RPS6KA3: variants seen among roughly 807,000 people sequenced by gnomAD.
RPS6KA3 encodes the protein ribosomal protein S6 kinase alpha-3.
A neutral mutation model predicts 67.2 loss-of-function variants in RPS6KA3; 4 were observed. That is an observed-to-expected ratio of 0.06 (90% CI 0.03 to 0.14). The LOEUF (loss-of-function observed/expected upper bound fraction) is 0.14, where lower values mean the gene tolerates loss of function less well. Ranked by LOEUF, RPS6KA3 falls within the 10% of genes least tolerant of loss-of-function variation. The pLI, the probability that RPS6KA3 is intolerant of heterozygous loss-of-function variation, is 1.00. For synonymous variants in RPS6KA3, 182 were observed against 183.7 expected (o/e 0.99, Z 0.07); for missense variants, 204 against 559.0 (o/e 0.36, Z 6.40).
At chrX:20,221,536 G>T (rs991491448) in intron 2 of RPS6KA3, among the ~76,000 whole-genome samples, 2 of 111,513 alleles carry the variant, frequency 1.8e-5, no homozygotes, top group Non-Finnish European at 3.8e-5. Context: ...CACTTTTTCT[G>T]TAAAGGGACA....
intron 1 of RPS6KA3, among the ~76,000 whole-genome samples, chrX:20,256,295 T>C (rs1347316312): frequency 9.2e-6 from 1 of 109,075 alleles, no homozygotes; most frequent in Non-Finnish European, 1.9e-5. Flanking sequence ...CCTTTTCTTA[T>C]ACGATAGCAA....
chrX:20,262,541 G>A (rs2070261959), intron 1 of RPS6KA3, among the ~76,000 whole-genome samples: 1 of 111,904 alleles, frequency 8.9e-6, no homozygotes, highest in South Asian at 3.7e-4. Context: ...TTCACATTTT[G>A]AATCTACCCC....
chrX:20,255,346 C>T (rs746653532), intron 1 of RPS6KA3, among the ~76,000 whole-genome samples: 6 of 100,103 alleles, frequency 6.0e-5, no homozygotes, highest in South Asian at 3.9e-4. Context: ...GGGGAGTGAC[C>T]GCTAACATGT....
Position 20,153,619 on chromosome X carries a change from T to A in RPS6KA3, c.*1779A>T, listed in dbSNP as rs2148619361. ...CAAAAATCTGTATGAGTACATTCTT[T>A]TTTTTTTTTTTCCTTCTTGAGACAG... is the stretch of plus-strand genomic sequence containing the variant. On this transcript the variant is annotated 3_prime_UTR_variant, in exon 22 of 22. Coordinates refer to ENST00000379565, the MANE Select transcript of RPS6KA3 (RefSeq NM_004586.3). 9.1e-6 allele frequency: 1 copy of A among 109,804 alleles called. No homozygotes were observed. Among genetic ancestry groups the A allele is most frequent in the Admixed American group, 9.7e-5 (1 of 10,307 alleles). 9.0% of individuals were successfully genotyped at this position (109,804 alleles called of 1,213,427 possible).
At chrX:20,184,397 CTTTTTTTTTTTTT>C (rs1176222205) in intron 10 of RPS6KA3, among the ~76,000 whole-genome samples, 2 of 86,466 alleles carry the variant, frequency 2.3e-5, no homozygotes, top group Non-Finnish European at 4.7e-5. Context: ...CATTACTTTT[CTTTTTTTTTTTTT>C]TTTTTTGAGA....
At chrX:20,263,293 C>A (rs905176611) in intron 1 of RPS6KA3, among the ~76,000 whole-genome samples, 3 of 111,896 alleles carry the variant, frequency 2.7e-5, no homozygotes, top group African/African-American at 9.7e-5. Flanking sequence ...ACAGCACTGG[C>A]AAAGAATTTG....
chrX:20,189,942 A>G lies in RPS6KA3; in HGVS notation c.594-1408T>C, dbSNP rs186637651. Among the ~76,000 whole-genome samples, 783 of 110,814 alleles carry G rather than the reference A, an allele frequency of 7.1e-3. 7 individuals carry two copies. The highest frequency in any genetic ancestry group is 0.025 in the African/African-American group (755 of 30,457). On this transcript the variant is annotated intron_variant, in intron 7 of 21. Transcript: ENST00000379565. ...TAAGCACCTGTTATGAAAAATATTAATATTGATTCTGCTTGATTATGAAGA... is the reference window on the plus strand; with the variant it reads ...TAAGCACCTGTTATGAAAAATATTAGTATTGATTCTGCTTGATTATGAAGA...
At chrX:20,178,604 T>C (rs2067761896) in intron 10 of RPS6KA3, among the ~76,000 whole-genome samples, 2 of 100,410 alleles carry the variant, frequency 2.0e-5, no homozygotes, top group African/African-American at 3.7e-5. Flanking sequence ...TCCCAAGTAG[T>C]TGGGATTACA....
chrX:20,240,285 CTTTTTTTT>C (rs778713587), intron 1 of RPS6KA3, among the ~76,000 whole-genome samples: 13 of 54,385 alleles, frequency 2.4e-4, no homozygotes, highest in African/African-American at 2.8e-4. Context: ...AAGGACCATA[CTTTTTTTT>C]TTTTTTTTTT....
chrX:20,187,440 G>T (rs1458617204), intron 9 of RPS6KA3, among the ~76,000 whole-genome samples: 2 of 110,832 alleles, frequency 1.8e-5, no homozygotes, highest in East Asian at 5.7e-4. Flanking sequence ...CTGACGTCAG[G>T]TGATCTACCC....
At chrX:20,182,483 G>GA (rs1258485462) in intron 10 of RPS6KA3, among the ~76,000 whole-genome samples, 1 of 111,176 alleles carries the variant, frequency 9.0e-6, no homozygotes, top group Non-Finnish European at 1.9e-5. Flanking sequence ...TACAGGGTTG[G>GA]AAAAAAAATA....
rs748786522 is a variant in RPS6KA3 at position 20,194,147 on chromosome X, G to A, written c.486+42C>T. ...ACATAACAAAGCTTTAGTTCAAACAGGATGCATGTAAATAGACTAAAAATA... is the reference window on the plus strand; with the variant it reads ...ACATAACAAAGCTTTAGTTCAAACAAGATGCATGTAAATAGACTAAAAATA... On this transcript the variant is annotated intron_variant, in intron 6 of 21. Coordinates refer to ENST00000379565, the MANE Select transcript of RPS6KA3 (RefSeq NM_004586.3). The A allele has an allele frequency of 1.0e-5, 8 of 803,535 alleles. No homozygotes were observed. In the Admixed American group the frequency reaches 1.4e-4, roughly 14 times the overall value. 66.2% of individuals were successfully genotyped at this position (803,535 alleles called of 1,213,427 possible).
intron 7 of RPS6KA3, among the ~76,000 whole-genome samples, chrX:20,191,691 T>C (rs1442429180): frequency 8.9e-6 from 1 of 112,390 alleles, no homozygotes; most frequent in Non-Finnish European, 1.9e-5. Flanking sequence ...TGTCTGTTCA[T>C]ATCCGAGAGA....
intron 20 of RPS6KA3, among the ~76,000 whole-genome samples, chrX:20,160,133 T>A (rs999734678): frequency 7.1e-5 from 8 of 112,299 alleles, no homozygotes; most frequent in African/African-American, 2.6e-4. Flanking sequence ...TTCCTTAAAA[T>A]CCTTCTGACT....
Position 20,240,432 on chromosome X carries a change from C to T in RPS6KA3, c.70-5618G>A, listed in dbSNP as rs185979817. On this transcript the variant is annotated intron_variant, in intron 1 of 21. Coordinates refer to ENST00000379565, the MANE Select transcript of RPS6KA3 (RefSeq NM_004586.3). Reference sequence around the variant, plus strand: ...CATCATGAAGGTGCTGAGCATGAGGCATTAGAAACCTCTCTCAAACTTTGG... The same window carrying T: ...CATCATGAAGGTGCTGAGCATGAGGTATTAGAAACCTCTCTCAAACTTTGG... The T allele has an allele frequency of 1.5e-3, 178 of 120,083 alleles. 2 individuals are homozygous for T. The highest frequency in any genetic ancestry group is 5.6e-3 in the African/African-American group (168 of 29,834). 9.9% of individuals were successfully genotyped at this position (120,083 alleles called of 1,213,427 possible).
chrX:20,150,609 T>C lies in RPS6KA3; in HGVS notation c.*4789A>G, dbSNP rs1302579699. ...CCTTGCTTTGTACGTGAAAGTTCTA[T>C]TTTAAATACTTGTTTGAAAAACTCA... On this transcript the variant is annotated 3_prime_UTR_variant, in exon 22 of 22. Transcript: ENST00000379565. 8.9e-6 allele frequency: 1 copy of C among 112,571 alleles called. No individual in the cohort carries two copies. The highest frequency in any genetic ancestry group is 3.2e-5 in the African/African-American group (1 of 30,949). The allele number at this position is 112,571 out of a possible 1,213,427, so 9.3% of individuals were successfully genotyped here.
chrX:20,255,740 A>C (rs1472357565), intron 1 of RPS6KA3, among the ~76,000 whole-genome samples: 1 of 86,950 alleles, frequency 1.2e-5, no homozygotes, highest in African/African-American at 4.5e-5. Flanking sequence ...GTGAGCTGAG[A>C]CTGCACCACT....
At chrX:20,211,111 G>A (rs900624655) in intron 2 of RPS6KA3, among the ~76,000 whole-genome samples, 4 of 111,005 alleles carry the variant, frequency 3.6e-5, no homozygotes, top group African/African-American at 9.8e-5. Flanking sequence ...CCCTGTGTTA[G>A]GTGTTTTTTC....
At chrX:20,236,932 G>C (rs1644594773) in intron 1 of RPS6KA3, among the ~76,000 whole-genome samples, 1 of 111,198 alleles carries the variant, frequency 9.0e-6, no homozygotes, top group South Asian at 3.7e-4. Flanking sequence ...CGGCTCTGTC[G>C]TCCGACATAG....
Sources: allele counts gnomAD v4.1 joint callset (sites outside exome capture counted in the v4.1 genomes callset), GRCh38; gene constraint gnomAD v4.1.1; transcripts MANE v1.5; gene names NCBI Gene and HGNC (gene_info 2026-07-23, HGNC 2026-07-21).